The following ANK2 variants were observed in gnomAD, a reference collection of about 807,000 sequenced individuals.
ANK2 encodes ankyrin-2.
A neutral mutation model predicts 360.5 loss-of-function variants in ANK2; 83 were observed. The ratio of observed to expected loss-of-function variants is 0.23; its 90% CI spans 0.19 to 0.28. ANK2 has a LOEUF of 0.28. Ranked by LOEUF, ANK2 falls within the 10% of genes least tolerant of loss-of-function variation. The probability of loss-of-function intolerance (pLI) is 1.00; values close to 1 mark genes in which losing one functional copy is unlikely to be tolerated. For missense variants in ANK2, 4,201 were observed against 4,795.7 expected, an observed-to-expected ratio of 0.88 and a Z score of 3.66; for synonymous variants, 1,740 against 1,759.5, an observed-to-expected ratio of 0.99 and a Z score of 0.28.
chr4:112,919,948 T>A (rs1397663781), intron 2 of ANK2, among the ~76,000 whole-genome samples: 2 of 152,124 alleles, frequency 1.3e-5, no homozygotes, highest in Non-Finnish European at 2.9e-5. Flanking sequence ...TAATTTATTA[T>A]ATTTAGAGTT....
At chr4:112,979,234 G>A (rs916886086) in intron 2 of ANK2, among the ~76,000 whole-genome samples, 8 of 152,186 alleles carry the variant, frequency 5.3e-5, no homozygotes, top group African/African-American at 1.7e-4. Context: ...CGACCACTGC[G>A]CAGTCAGGTG....
At chr4:113,238,579 C>A (rs2153561512) in intron 7 of ANK2, among the ~76,000 whole-genome samples, 1 of 152,258 alleles carries the variant, frequency 6.6e-6, no homozygotes, top group Admixed American at 6.5e-5. Flanking sequence ...ATCTTAATAA[C>A]TAATTTCAAT....
chr4:112,817,750 A>G (rs1048931686), upstream of ANK2, among the ~76,000 whole-genome samples: 1 of 152,134 alleles, frequency 6.6e-6, no homozygotes, highest in Non-Finnish European at 1.5e-5. Flanking sequence ...AATCACTCCC[A>G]CGGCATTGGC....
At chr4:113,316,425 C>T (rs1228570607) in intron 24 of ANK2, among the ~76,000 whole-genome samples, 2 of 152,136 alleles carry the variant, frequency 1.3e-5, no homozygotes, top group African/African-American at 4.8e-5. Context: ...TTGATGCGGG[C>T]TATGTTGACA....
At chr4:113,003,034 T>C (rs1458302231) in intron 2 of ANK2, among the ~76,000 whole-genome samples, 1 of 152,238 alleles carries the variant, frequency 6.6e-6, no homozygotes, top group Non-Finnish European at 1.5e-5. Flanking sequence ...CAGCCTGTTT[T>C]TGCAGACATT....
chr4:112,729,144 G>A, the ANK2 span, among the ~76,000 whole-genome samples: 1 of 152,162 alleles, frequency 6.6e-6, no homozygotes, highest in South Asian at 2.1e-4. Context: ...GCCGCAGTGA[G>A]GCATGTTTGC....
At chr4:113,371,079 G>T (rs1386204466) in intron 43 of ANK2, among the ~76,000 whole-genome samples, 1 of 152,088 alleles carries the variant, frequency 6.6e-6, no homozygotes, top group Non-Finnish European at 1.5e-5. Flanking sequence ...ATTTCAAAGT[G>T]TTTTTAGAGC....
At chr4:112,954,325 A>C (rs2095229159) in intron 2 of ANK2, among the ~76,000 whole-genome samples, 1 of 150,826 alleles carries the variant, frequency 6.6e-6, no homozygotes, top group South Asian at 2.1e-4. Context: ...CAGAGTTAGC[A>C]GGGCAAAAAG....
At chr4:112,847,464 G>T (rs1398152308) in intron 1 of ANK2, among the ~76,000 whole-genome samples, 1 of 151,992 alleles carries the variant, frequency 6.6e-6, no homozygotes, top group Non-Finnish European at 1.5e-5. Flanking sequence ...TGTCTATTGA[G>T]ACCCTAAAAA....
chr4:112,987,914 C>T (rs922987329), intron 2 of ANK2, among the ~76,000 whole-genome samples: 1 of 152,016 alleles, frequency 6.6e-6, no homozygotes, highest in Non-Finnish European at 1.5e-5. Context: ...TATACCATTT[C>T]AGACCCCAGA....
In ANK2 at chr4:113,336,722, T is replaced by C. The variant is rs776017622; in HGVS notation, c.3737T>C (p.Val1246Ala). The C allele has an allele frequency of 1.9e-6, 3 of 1,614,138 alleles. No homozygotes were observed. Among genetic ancestry groups the C allele is most frequent in the African/African-American group, 2.7e-5 (2 of 75,044 alleles). ...TIPVPKASSD[V>A]MLNGFGGDAP... is the part of the protein sequence containing the mutation. The stretch of plus-strand genomic sequence containing the variant: ...CCTGTCCCCAAAGCTTCAAGTGATG[T>C]CATGTTGAATGGTTTTGGGGGAGAT... Residue 1246 changes from valine (V) to alanine (A), a missense_variant, in exon 31 of 46, where the codon GTC becomes GCC. Physicochemically the swap from Val to Ala is moderately conservative, Grantham distance 64. Transcript: ENST00000357077.
At chr4:113,345,501 C>A (rs1397175071) in intron 34 of ANK2, among the ~76,000 whole-genome samples, 1 of 152,068 alleles carries the variant, frequency 6.6e-6, no homozygotes, top group Non-Finnish European at 1.5e-5. Context: ...TAATATACAG[C>A]ATTAAACTAT....
intron 1 of ANK2, among the ~76,000 whole-genome samples, chr4:112,888,274 T>C (rs1302820348): frequency 6.6e-5 from 10 of 152,160 alleles, no homozygotes; most frequent in Non-Finnish European, 1.5e-4. Flanking sequence ...GAATGTTTAA[T>C]GTCATCATAT....
chr4:112,910,958 T>C (rs76560177), intron 2 of ANK2, among the ~76,000 whole-genome samples: 2 of 75,644 alleles, frequency 2.6e-5, no homozygotes, highest in African/African-American at 6.7e-5. Context: ...ATTATTTGCC[T>C]TTTTTTTTTT....
intron 2 of ANK2, among the ~76,000 whole-genome samples, chr4:113,039,166 A>G (rs1008744849): frequency 1.3e-5 from 2 of 152,082 alleles, no homozygotes; most frequent in Non-Finnish European, 2.9e-5. Flanking sequence ...GTGGTCAGTC[A>G]TTAATTATTA....
intron 2 of ANK2, among the ~76,000 whole-genome samples, chr4:113,032,422 T>G (rs2154305238): frequency 6.6e-6 from 1 of 152,130 alleles, no homozygotes; most frequent in East Asian, 1.9e-4. Flanking sequence ...CCTTTTCCAG[T>G]GCCGGGTGTT....
At chr4:112,814,383 C>G (rs2055494015), upstream of ANK2, among the ~76,000 whole-genome samples, 1 of 151,974 alleles carries the variant, frequency 6.6e-6, no homozygotes, top group Non-Finnish European at 1.5e-5. Context: ...GTGTTAGAGG[C>G]CATGATGAGG....
the ANK2 span, among the ~76,000 whole-genome samples, chr4:112,717,069 A>G: frequency 7.2e-5 from 11 of 152,196 alleles, no homozygotes; most frequent in African/African-American, 2.7e-4. Context: ...ATTCTTTTCA[A>G]TGCTTTATTT....
Position 112,893,871 on chromosome 4 carries a change from C to T in ANK2, c.-39-10584C>T, listed in dbSNP as rs1157781084. Among the ~76,000 whole-genome samples, 3 of 152,172 alleles carry T rather than the reference C, an allele frequency of 2.0e-5. No homozygotes were observed. The East Asian group carries it at 5.8e-4, about 29-fold the overall frequency. The stretch of plus-strand genomic sequence containing the variant: ...AGTTTGCCCAGCATGGCGGCATGCA[C>T]CTGTAGTCCCAGCTACTGGGGAGGC... On this transcript the variant is annotated intron_variant, in intron 1 of 30. Coordinates refer to the ANK2 transcript ENST00000503271.
Sources: gnomAD v4.1 joint callset for allele counts (sites outside exome capture counted in the v4.1 genomes callset) on GRCh38, gnomAD v4.1.1 for gene constraint, MANE v1.5 for transcripts, NCBI Gene and HGNC (gene_info 2026-07-23, HGNC 2026-07-21) for gene names.